Variants in MAGI2 observed in about 807,000 individuals in gnomAD.
MAGI2 encodes the protein membrane associated guanylate kinase, WW and PDZ domain containing 2.
MAGI2 carries 35 observed loss-of-function variants against 133.3 expected under a neutral mutation model. The ratio of observed to expected loss-of-function variants is 0.26; its 90% CI spans 0.20 to 0.35. MAGI2 has a LOEUF of 0.35. Ranked by LOEUF, MAGI2 falls within the 10% of genes least tolerant of loss-of-function variation. The pLI is 1.00. For synonymous variants in MAGI2, 729 were observed against 710.6 expected, an observed-to-expected ratio of 1.03 and a Z score of -0.41; for missense variants, 1,636 against 1,863.4, an observed-to-expected ratio of 0.88 and a Z score of 2.25.
rs1584890963 is a variant in MAGI2, at chr7:78,032,442, G to A, written c.3707-12466C>T. Among the ~76,000 whole-genome samples, 2 of 152,068 alleles carry A rather than the reference G, an allele frequency of 1.3e-5. 1 individual carries two copies. Among genetic ancestry groups the A allele is most frequent in the South Asian group, 4.2e-4 (2 of 4,810 alleles). On this transcript the variant is annotated intron_variant, in intron 21 of 21. Coordinates refer to ENST00000354212, the MANE Select transcript of MAGI2 (RefSeq NM_012301.4). ...GTTGCCCAGGATGGTCTTGAACTTC[G>A]GGGCTCAAATGATCTGCCTTCCTTG...
intron 1 of MAGI2, among the ~76,000 whole-genome samples, chr7:79,172,636 A>C (rs972766917): frequency 3.9e-5 from 6 of 152,080 alleles, no homozygotes; most frequent in African/African-American, 1.4e-4. Context: ...AAATTCAGTA[A>C]ATTTAAATAA....
intron 1 of MAGI2, among the ~76,000 whole-genome samples, chr7:79,135,939 G>A (rs1285433754): frequency 6.3e-4 from 3 of 4,776 alleles, no homozygotes; most frequent in South Asian, 6.9e-3. Context: ...AAATCCTCTC[G>A]AAAGAAAGAA....
At chr7:78,874,285 T>C (rs1405477464) in intron 2 of MAGI2, among the ~76,000 whole-genome samples, 3 of 152,118 alleles carry the variant, frequency 2.0e-5, no homozygotes, top group Non-Finnish European at 4.4e-5. Flanking sequence ...AATTTGCATA[T>C]ATAGATATTA....
chr7:79,075,732 C>A (rs889570101), intron 1 of MAGI2, among the ~76,000 whole-genome samples: 1 of 152,058 alleles, frequency 6.6e-6, no homozygotes, highest in Non-Finnish European at 1.5e-5. Flanking sequence ...CCACTGCACT[C>A]CAGCCTTGGT....
At chr7:78,125,173 A>T (rs984838620) in intron 20 of MAGI2, among the ~76,000 whole-genome samples, 1 of 152,010 alleles carries the variant, frequency 6.6e-6, no homozygotes, top group Admixed American at 6.6e-5. Context: ...CCCTGCTGTC[A>T]TTTTTAAGAA....
intron 1 of MAGI2, among the ~76,000 whole-genome samples, chr7:79,128,653 T>C (rs1373928593): frequency 6.6e-6 from 1 of 152,182 alleles, no homozygotes; most frequent in Non-Finnish European, 1.5e-5. Flanking sequence ...CAAGGACACA[T>C]TCATTAAACA....
chr7:79,382,384 A>T (rs1299161261), intron 1 of MAGI2, among the ~76,000 whole-genome samples: 1 of 151,606 alleles, frequency 6.6e-6, no homozygotes, highest in South Asian at 2.1e-4. Context: ...TTTAATTATC[A>T]TTATTAGAAT....
intron 1 of MAGI2, among the ~76,000 whole-genome samples, chr7:79,239,258 T>A (rs1396134086): frequency 2.0e-5 from 3 of 152,342 alleles, no homozygotes; most frequent in East Asian, 3.9e-4. Flanking sequence ...AAGTGGCTAA[T>A]GCATTTGACA....
At chr7:79,239,676 T>C (rs1406158) in intron 1 of MAGI2, among the ~76,000 whole-genome samples, 92,660 of 152,026 alleles carry the variant, frequency 0.61, 29,589 homozygotes, top group Non-Finnish European at 0.7. Flanking sequence ...ACATAAACAA[T>C]CTCACAGAAT....
chr7:78,330,615 C>CAAAA (rs4024122), intron 9 of MAGI2, among the ~76,000 whole-genome samples: 750 of 6,898 alleles, frequency 0.11, 178 homozygotes, highest in Non-Finnish European at 0.12. Context: ...GACTCCGTCT[C>CAAAA]AAAAAAAAAA....
At chr7:78,327,445 T>C (rs1243342272) in intron 9 of MAGI2, among the ~76,000 whole-genome samples, 1 of 152,212 alleles carries the variant, frequency 6.6e-6, no homozygotes, top group African/African-American at 2.4e-5. Flanking sequence ...CCAATTTCAA[T>C]GAGTGATTCT....
At chr7:79,234,219 C>A (rs1387380334) in intron 1 of MAGI2, among the ~76,000 whole-genome samples, 3 of 137,748 alleles carry the variant, frequency 2.2e-5, no homozygotes, top group Non-Finnish European at 3.1e-5. Context: ...TCTCTGGCTG[C>A]CCTTAACATT....
rs117173981 is a variant in MAGI2, at chr7:78,447,267, G to A, written c.1045+42494C>T. Reference sequence around the variant, plus strand: ...CAATGTTTTGATATATGTATACATTGCGTAAAAACTAAATCTGGCATTTGG... The same window carrying A: ...CAATGTTTTGATATATGTATACATTACGTAAAAACTAAATCTGGCATTTGG... On this transcript the variant is annotated intron_variant, in intron 6 of 21. Transcript: ENST00000354212. Among the ~76,000 whole-genome samples, 1,380 of 151,800 alleles carry A rather than the reference G, an allele frequency of 9.1e-3. 12 individuals carry two copies. Among genetic ancestry groups the A allele is most frequent in the Non-Finnish European group, 0.013 (907 of 67,930 alleles).
intron 3 of MAGI2, among the ~76,000 whole-genome samples, chr7:78,577,567 C>T (rs1017055966): frequency 3.3e-5 from 5 of 149,288 alleles, no homozygotes; most frequent in East Asian, 2.0e-4. Flanking sequence ...GGGCTGAGTC[C>T]GAAAAGAGAG....
intron 10 of MAGI2, among the ~76,000 whole-genome samples, chr7:78,223,277 C>G (rs1789015455): frequency 6.6e-6 from 1 of 151,994 alleles, no homozygotes; most frequent in Admixed American, 6.6e-5. Flanking sequence ...ACCATTTGTT[C>G]TTTCATTTTT....
intron 1 of MAGI2, among the ~76,000 whole-genome samples, chr7:79,431,778 G>C (rs113126222): frequency 6.6e-6 from 1 of 152,162 alleles, no homozygotes; most frequent in African/African-American, 2.4e-5. Context: ...TGTCTGTGTT[G>C]CAGTTTGTGG....
chr7:78,835,808 C>T (rs1004103920), intron 2 of MAGI2, among the ~76,000 whole-genome samples: 2 of 152,172 alleles, frequency 1.3e-5, no homozygotes, highest in African/African-American at 4.8e-5. Context: ...GAAATAATTT[C>T]CTATGACCAG....
At chr7:78,466,500 T>C (rs1482692102) in intron 6 of MAGI2, among the ~76,000 whole-genome samples, 1 of 152,210 alleles carries the variant, frequency 6.6e-6, no homozygotes, top group East Asian at 1.9e-4. Context: ...GTGTGTTATT[T>C]TGAATATATC....
At chr7:78,476,946 A>G (rs1459825389) in intron 6 of MAGI2, among the ~76,000 whole-genome samples, 2 of 151,974 alleles carry the variant, frequency 1.3e-5, no homozygotes, top group African/African-American at 4.8e-5. Context: ...TTTATGATGC[A>G]TAGCATTTAG....
Sources: allele counts gnomAD v4.1 joint callset (sites outside exome capture counted in the v4.1 genomes callset), GRCh38; gene constraint gnomAD v4.1.1; transcripts MANE v1.5; gene names NCBI Gene and HGNC (gene_info 2026-07-23, HGNC 2026-07-21).